SLC36A2: variants seen among roughly 807,000 people sequenced by gnomAD.
SLC36A2 encodes the protein solute carrier family 36 member 2, also known as proton-coupled amino acid transporter 2.
Under a neutral mutation model 42.7 loss-of-function variants are expected in SLC36A2, and 39 were observed. That is an observed-to-expected ratio of 0.91 (90% CI 0.71 to 1.19). SLC36A2 has a LOEUF of 1.19. Ranked by LOEUF, SLC36A2 falls within the 50% of genes most tolerant of loss-of-function variation. The pLI, the probability that SLC36A2 is intolerant of heterozygous loss-of-function variation, is 0.00. For synonymous variants in SLC36A2, 237 were observed against 240.8 expected, an observed-to-expected ratio of 0.98 and a Z score of 0.15; for missense variants, 590 against 613.7, an observed-to-expected ratio of 0.96 and a Z score of 0.41.
Position 151,335,549 on chromosome 5 carries a change from T to C in SLC36A2, c.526-2A>G. ...TGTGCTATTAACAGCTTCCACTACC[T>C]GAGGAAGGAATGGGAGAGGCAAAAG... On this transcript the variant is annotated splice_acceptor_variant, in intron 5 of 9. Coordinates refer to ENST00000335244, the MANE Select transcript of SLC36A2 (RefSeq NM_181776.3). LOFTEE classifies it high-confidence loss of function. The C allele has an allele frequency of 6.2e-7, 1 of 1,604,116 alleles. No homozygotes were observed. Among genetic ancestry groups the C allele is most frequent in the Non-Finnish European group, 8.5e-7 (1 of 1,170,844 alleles).
At chr5:151,321,454 G>A (rs1000175827) in intron 9 of SLC36A2, among the ~76,000 whole-genome samples, 2 of 151,546 alleles carry the variant, frequency 1.3e-5, no homozygotes, top group African/African-American at 4.9e-5. Context: ...AAAGTGCTGG[G>A]ATCACAGGCA....
In SLC36A2 at chr5:151,342,982, G is replaced by C; in HGVS notation, c.346C>G (p.Leu116Val). ...CCATAGTCCATAAAGGGCTTGTTAAGCCTGCAGGAGAGAGTGCATAAACGG... is the reference window on the plus strand; with the variant it reads ...CCATAGTCCATAAAGGGCTTGTTAACCCTGCAGGAGAGAGTGCATAAACGG... The part of the protein sequence containing the change: ...VKCAQRFCKR[L>V]NKPFMDYGDT... The change falls in exon 4 of 10, where the codon CTT becomes GTT. Residue 116 changes from leucine to valine, a missense_variant and splice_region_variant. By Grantham distance (32) the Leu-to-Val change is conservative. Coordinates refer to ENST00000335244, the MANE Select transcript of SLC36A2 (RefSeq NM_181776.3). 6.2e-7 allele frequency: 1 copy of C among 1,613,278 alleles called. No individual in the cohort carries two copies. The highest frequency in any genetic ancestry group is 8.5e-7 in the Non-Finnish European group (1 of 1,179,234).
Position 151,345,780 on chromosome 5 carries a change from C to G in SLC36A2, c.165-1513G>C, listed in dbSNP as rs548189285. Among the ~76,000 whole-genome samples, 5 of 152,300 alleles carry G rather than the reference C, an allele frequency of 3.3e-5. No individual in the cohort carries two copies. In the South Asian group the frequency reaches 1.0e-3, roughly 32 times the overall value. On this transcript the variant is annotated intron_variant, in intron 1 of 9. Transcript: ENST00000335244. Reference sequence around the variant, plus strand: ...ATAGTGCGGTAAGTCATGCAAAGCACCAAACTGGGAGTTGGGAGACATGGG... The same window carrying G: ...ATAGTGCGGTAAGTCATGCAAAGCAGCAAACTGGGAGTTGGGAGACATGGG...
intron 8 of SLC36A2, among the ~76,000 whole-genome samples, chr5:151,322,701 G>T (rs1476831317): frequency 7.2e-5 from 11 of 152,160 alleles, no homozygotes; most frequent in Non-Finnish European, 7.3e-5. Context: ...TGAGAGAACT[G>T]CAGAATCCCA....
At chr5:151,328,425 A>G (rs962813839) in intron 7 of SLC36A2, among the ~76,000 whole-genome samples, 6 of 152,250 alleles carry the variant, frequency 3.9e-5, no homozygotes, top group Admixed American at 3.3e-4. Context: ...TCTTAGAACT[A>G]TGCGGTGCAT....
intron 7 of SLC36A2, among the ~76,000 whole-genome samples, chr5:151,328,888 T>C (rs1487615387): frequency 6.6e-6 from 1 of 152,224 alleles, no homozygotes; most frequent in Non-Finnish European, 1.5e-5. Flanking sequence ...AAAGAATCAC[T>C]ATTGTGCTTT....
At chr5:151,337,205 G>C (rs1386217245) in intron 5 of SLC36A2, among the ~76,000 whole-genome samples, 1 of 152,060 alleles carries the variant, frequency 6.6e-6, no homozygotes, top group African/African-American at 2.4e-5. Context: ...TGAACCAATT[G>C]TATTGCTTCT....
chr5:151,344,552 A>T (rs185017), intron 1 of SLC36A2, among the ~76,000 whole-genome samples: 99,846 of 152,066 alleles, frequency 0.66, 33,676 homozygotes, highest in East Asian at 0.99. Context: ...TTAATCTTCT[A>T]GTCAAGGCTC....
At chr5:151,343,737 G>C (rs1367483495) in intron 2 of SLC36A2, 139 bp from the exon 3 acceptor site, 6 of 692,580 alleles carry the variant, frequency 8.7e-6, no homozygotes, top group Admixed American at 7.8e-5. Flanking sequence ...AAGCCCTTTT[G>C]TAGCAGCAAC....
rs1561658323 is a variant in SLC36A2 at position 151,335,518 on chromosome 5, G to T, written c.555C>A (p.Asn185Lys). The T allele has an allele frequency of 6.2e-7, 1 of 1,614,042 alleles. No homozygotes were observed. The highest frequency in any genetic ancestry group is 2.2e-5 in the East Asian group (1 of 44,892). ...TCACCGTCTCATTGGAATAGCAGTTGTTGGTTGTGCTATTAACAGCTTCCA... is the reference window on the plus strand; with the variant it reads ...TCACCGTCTCATTGGAATAGCAGTTTTTGGTTGTGCTATTAACAGCTTCCA... ...QVVEAVNSTT[N>K]NCYSNETVIL... Residue 185 changes from asparagine to lysine, a missense_variant, in exon 6 of 10, where the codon AAC (asparagine) becomes AAA (lysine). Transcript: ENST00000335244.
intron 7 of SLC36A2, among the ~76,000 whole-genome samples, chr5:151,330,706 A>C (rs1028472559): frequency 1.3e-5 from 2 of 152,240 alleles, no homozygotes; most frequent in African/African-American, 4.8e-5. Context: ...TTGAAAGCAA[A>C]GATGATAACA....
intron 7 of SLC36A2, among the ~76,000 whole-genome samples, chr5:151,332,055 C>T (rs1367867299): frequency 2.0e-5 from 3 of 151,992 alleles, no homozygotes; most frequent in African/African-American, 4.8e-5. Flanking sequence ...TTAGTAGAGA[C>T]GGGGTTTCAC....
At chr5:151,327,750 C>T (rs1415868458) in intron 7 of SLC36A2, among the ~76,000 whole-genome samples, 21 of 152,146 alleles carry the variant, frequency 1.4e-4, no homozygotes, top group Non-Finnish European at 2.9e-5. Flanking sequence ...GGCTTCCTTT[C>T]TTTCTCTCTC....
At chr5:151,335,909 T>C (rs1440300285) in intron 5 of SLC36A2, among the ~76,000 whole-genome samples, 1 of 151,858 alleles carries the variant, frequency 6.6e-6, no homozygotes, top group Non-Finnish European at 1.5e-5. Flanking sequence ...ATGCCTGTAA[T>C]TCCAGCTACT....
At chr5:151,319,210 C>G (rs1755610825) in intron 9 of SLC36A2, 1 of 757,278 alleles carries the variant, frequency 1.3e-6, no homozygotes, top group Non-Finnish European at 1.6e-6. Flanking sequence ...CTCATACATG[C>G]TAATTGACAA....
At chr5:151,323,655 C>T (rs558476901) in intron 8 of SLC36A2, among the ~76,000 whole-genome samples, 1 of 152,210 alleles carries the variant, frequency 6.6e-6, no homozygotes, top group African/African-American at 2.4e-5. Context: ...TCCCTGTTGT[C>T]TCCTTCCGAT....
rs756269303 is a variant in SLC36A2, at chr5:151,316,977, A to G, written c.1292T>C (p.Phe431Ser). ...IIPPLLEVTT[F>S]YSEGMSPLTI... ...GAGGGGGCTCATGCCCTCTGAGTAG[A>G]ACGTGGTGACCTCCAGGAGCGGTGG... The change falls in exon 10 of 10, where the codon TTC (phenylalanine) becomes TCC (serine). Residue 431 changes from phenylalanine (F) to serine (S), a missense_variant. By Grantham distance (155) the Phe-to-Ser change is radical (BLOSUM62 -2). Transcript: ENST00000335244. 4 of 1,613,942 alleles carry G rather than the reference A, an allele frequency of 2.5e-6. No individual in the cohort carries two copies. In the South Asian group the frequency reaches 4.4e-5, roughly 18 times the overall value.
intron 7 of SLC36A2, among the ~76,000 whole-genome samples, chr5:151,329,536 C>T (rs1755939903): frequency 6.6e-6 from 1 of 152,094 alleles, no homozygotes; most frequent in South Asian, 2.1e-4. Context: ...TATAACCGTA[C>T]TCCAAAAAGT....
intron 1 of SLC36A2, among the ~76,000 whole-genome samples, chr5:151,345,924 C>A (rs1220299284): frequency 6.6e-6 from 1 of 152,150 alleles, no homozygotes; most frequent in Non-Finnish European, 1.5e-5. Flanking sequence ...GAGGAGAGAA[C>A]TATCATTGAC....
Sources: gnomAD v4.1 joint callset for allele counts (sites outside exome capture counted in the v4.1 genomes callset) on GRCh38, gnomAD v4.1.1 for gene constraint, MANE v1.5 for transcripts, NCBI Gene and HGNC (gene_info 2026-07-23, HGNC 2026-07-21) for gene names.